DCC: variants seen among roughly 807,000 people sequenced by gnomAD.
The protein encoded by DCC is DCC netrin 1 receptor.
Under a neutral mutation model 172.5 loss-of-function variants are expected in DCC, and 58 were observed. That is an observed-to-expected ratio of 0.34 (90% CI 0.27 to 0.42). The LOEUF is 0.42. DCC is among the 10% of genes least tolerant of loss of function. DCC has a pLI of 1.00. For missense variants in DCC, 1,740 were observed against 1,791.0 expected, an observed-to-expected ratio of 0.97 and a Z score of 0.51; for synonymous variants, 709 against 644.5, an observed-to-expected ratio of 1.10 and a Z score of -1.52.
chr18:52,793,891 T>A (rs1426591860), intron 2 of DCC, among the ~76,000 whole-genome samples: 1 of 152,170 alleles, frequency 6.6e-6, no homozygotes, highest in Non-Finnish European at 1.5e-5. Context: ...TTGAAGAGGG[T>A]ATTCTTTCTC....
At chr18:52,719,027 C>T (rs145252720) in intron 1 of DCC, among the ~76,000 whole-genome samples, 26 of 152,248 alleles carry the variant, frequency 1.7e-4, no homozygotes, top group African/African-American at 5.3e-4. Flanking sequence ...CTCCTTGTCT[C>T]TTACAGCTCC....
intron 24 of DCC, among the ~76,000 whole-genome samples, chr18:53,465,966 A>G (rs184960359): frequency 2.0e-5 from 3 of 152,118 alleles, no homozygotes; most frequent in African/African-American, 7.2e-5. Context: ...GGGTTTCACC[A>G]TGTTAGCCAG....
At chr18:52,479,685 G>A (rs1045379024) in intron 1 of DCC, among the ~76,000 whole-genome samples, 1 of 149,788 alleles carries the variant, frequency 6.7e-6, no homozygotes, top group East Asian at 2.0e-4. Flanking sequence ...CCATTCAAGT[G>A]TAATTTGAGG....
intron 1 of DCC, among the ~76,000 whole-genome samples, chr18:52,668,750 A>G (rs2035500292): frequency 6.6e-6 from 1 of 152,202 alleles, no homozygotes; most frequent in African/African-American, 2.4e-5. Flanking sequence ...TTCCTACTGA[A>G]AGTTGATGTT....
chr18:53,049,875 A>T (rs940958744), intron 5 of DCC, among the ~76,000 whole-genome samples: 3 of 152,092 alleles, frequency 2.0e-5, no homozygotes, highest in Non-Finnish European at 2.9e-5. Flanking sequence ...GACTCACATG[A>T]TCACTAGGTG....
intron 27 of DCC, among the ~76,000 whole-genome samples, chr18:53,500,730 C>CA (rs1401482441): frequency 1.3e-5 from 2 of 151,730 alleles, no homozygotes; most frequent in Non-Finnish European, 2.9e-5. Flanking sequence ...ATGTAGGATT[C>CA]CATTGGTTGG....
chr18:52,690,341 C>T (rs1294744170), intron 1 of DCC, among the ~76,000 whole-genome samples: 3 of 152,006 alleles, frequency 2.0e-5, no homozygotes, highest in Non-Finnish European at 2.9e-5. Context: ...AAGAGGCAAC[C>T]GGAAGAGGAT....
At chr18:53,212,600 A>G (rs1027725060) in intron 11 of DCC, among the ~76,000 whole-genome samples, 1 of 152,158 alleles carries the variant, frequency 6.6e-6, no homozygotes, top group African/African-American at 2.4e-5. Context: ...AAATACAGAA[A>G]AACTACTTCA....
chr18:52,345,154 T>A (rs1286315405), intron 1 of DCC, among the ~76,000 whole-genome samples: 1 of 152,208 alleles, frequency 6.6e-6, no homozygotes, highest in African/African-American at 2.4e-5. Context: ...CAGATGATAA[T>A]CTCTTAGATG....
At chr18:53,297,748 A>G (rs2057084950) in intron 12 of DCC, among the ~76,000 whole-genome samples, 1 of 152,216 alleles carries the variant, frequency 6.6e-6, no homozygotes, top group African/African-American at 2.4e-5. Context: ...ATAAGAAAAG[A>G]ATGCCTGAAT....
intron 21 of DCC, among the ~76,000 whole-genome samples, chr18:53,432,320 G>A (rs531690272): frequency 6.6e-6 from 1 of 152,158 alleles, no homozygotes; most frequent in Admixed American, 6.5e-5. Context: ...CCCTGTCATG[G>A]CAGGATCCAT....
intron 2 of DCC, among the ~76,000 whole-genome samples, chr18:52,790,698 C>T (rs184523195): frequency 3.8e-4 from 58 of 152,292 alleles, no homozygotes; most frequent in African/African-American, 1.3e-3. Context: ...TCCCCTATTT[C>T]TTCACCTTCC....
intron 1 of DCC, among the ~76,000 whole-genome samples, chr18:52,725,704 G>A (rs1228971584): frequency 6.6e-6 from 1 of 152,172 alleles, no homozygotes; most frequent in South Asian, 2.1e-4. Context: ...GTTCAACAAG[G>A]TCGATGATTT....
At chr18:52,486,283 G>C (rs891930684) in intron 1 of DCC, among the ~76,000 whole-genome samples, 5 of 152,072 alleles carry the variant, frequency 3.3e-5, no homozygotes. Context: ...CCAGCGTTTA[G>C]AAACAGGTCT....
At chr18:52,704,831 CTT>C (rs2036179091) in intron 1 of DCC, among the ~76,000 whole-genome samples, 6 of 138,838 alleles carry the variant, frequency 4.3e-5, no homozygotes, top group Admixed American at 4.3e-4. Flanking sequence ...GTGGAGGAGA[CTT>C]TTGAGGATTT....
chr18:52,854,100 A>G (rs777385654), intron 2 of DCC, among the ~76,000 whole-genome samples: 1 of 152,220 alleles, frequency 6.6e-6, no homozygotes, highest in Non-Finnish European at 1.5e-5. Context: ...AATAGATGTC[A>G]TAAGTATAGA....
At chr18:52,907,071 A>G (rs992958704) in intron 3 of DCC, among the ~76,000 whole-genome samples, 4 of 151,448 alleles carry the variant, frequency 2.6e-5, no homozygotes, top group Non-Finnish European at 4.4e-5. Context: ...GCAATAACAG[A>G]AGCAAAGCTA....
chr18:52,788,285 G>A (rs1041059698), intron 2 of DCC, among the ~76,000 whole-genome samples: 4 of 152,110 alleles, frequency 2.6e-5, no homozygotes, highest in Admixed American at 2.0e-4. Context: ...TCAAACACAT[G>A]TTGCACTGTT....
chr18:52,697,124 T>A (rs1303509855), intron 1 of DCC, among the ~76,000 whole-genome samples: 4 of 152,322 alleles, frequency 2.6e-5, no homozygotes, highest in South Asian at 4.1e-4. Flanking sequence ...TTGCATAGTA[T>A]TTTTTGGTAA....
Sources: allele counts gnomAD v4.1 joint callset (sites outside exome capture counted in the v4.1 genomes callset), GRCh38; gene constraint gnomAD v4.1.1; transcripts MANE v1.5; gene names NCBI Gene and HGNC (gene_info 2026-07-23, HGNC 2026-07-21).